SGCD: variants seen among roughly 807,000 people sequenced by gnomAD.
SGCD encodes delta-sarcoglycan.
Under a neutral mutation model 36.6 loss-of-function variants are expected in SGCD, and 18 were observed. The observed-to-expected ratio is 0.49, with a 90% CI of 0.34 to 0.73. The LOEUF (loss-of-function observed/expected upper bound fraction) is 0.73, where lower values mean the gene tolerates loss of function less well. SGCD is among the 30% of genes least tolerant of loss of function. The probability of loss-of-function intolerance (pLI) is 0.01; values close to 1 mark genes in which losing one functional copy is unlikely to be tolerated. For synonymous variants in SGCD, 133 were observed against 130.6 expected (o/e 1.02, Z -0.12); for missense variants, 387 against 346.7 (o/e 1.12, Z -0.92).
chr5:156,088,586 A>G (rs1465570859), intron 1 of SGCD, among the ~76,000 whole-genome samples: 1 of 151,978 alleles, frequency 6.6e-6, no homozygotes, highest in Non-Finnish European at 1.5e-5. Flanking sequence ...TCCAGCTTCG[A>G]CCACCTGGAC....
chr5:156,269,785 A>G (rs1376107880), intron 3 of SGCD, among the ~76,000 whole-genome samples: 1 of 152,192 alleles, frequency 6.6e-6, no homozygotes, highest in Non-Finnish European at 1.5e-5. Context: ...TCAGATGCAT[A>G]GTTTGCAAAA....
At chr5:156,460,413 A>T (rs1007594908) in intron 3 of SGCD, among the ~76,000 whole-genome samples, 2 of 152,202 alleles carry the variant, frequency 1.3e-5, no homozygotes, top group African/African-American at 4.8e-5. Flanking sequence ...GAGTTCAAAG[A>T]TGGGAAAGAT....
chr5:156,187,485 G>A (rs141861906), intron 3 of SGCD, among the ~76,000 whole-genome samples: 268 of 141,436 alleles, frequency 1.9e-3, no homozygotes, highest in African/African-American at 6.7e-3. Context: ...GCCCTCTAGA[G>A]GCTTCTGGAT....
At chr5:156,558,096 T>TAC (rs1441971005) in intron 4 of SGCD, among the ~76,000 whole-genome samples, 2 of 99,146 alleles carry the variant, frequency 2.0e-5, no homozygotes, top group Non-Finnish European at 4.4e-5. Flanking sequence ...CAAATATATA[T>TAC]ATATATATAT....
At chr5:155,890,645 TA>T (rs1302754995) in intron 1 of SGCD, among the ~76,000 whole-genome samples, 49 of 142,830 alleles carry the variant, frequency 3.4e-4, no homozygotes, top group East Asian at 2.6e-3. Context: ...AGATGATAGA[TA>T]GATAGATAGA....
chr5:156,358,472 T>C (rs1224018378), intron 3 of SGCD, among the ~76,000 whole-genome samples: 1 of 152,242 alleles, frequency 6.6e-6, no homozygotes, highest in Non-Finnish European at 1.5e-5. Context: ...ACTATAATTA[T>C]GATATATTGA....
chr5:156,300,210 T>C (rs1767016648), intron 3 of SGCD, among the ~76,000 whole-genome samples: 1 of 152,094 alleles, frequency 6.6e-6, no homozygotes, highest in African/African-American at 2.4e-5. Flanking sequence ...CATTAGATTA[T>C]GTAAGTGTTT....
chr5:155,907,094 G>T (rs1279615589), intron 1 of SGCD, among the ~76,000 whole-genome samples: 1 of 152,066 alleles, frequency 6.6e-6, no homozygotes, highest in Admixed American at 6.6e-5. Context: ...CCTTGAAAAT[G>T]ATGCAAAATC....
At chr5:155,880,581 A>G (rs189473719) in intron 1 of SGCD, among the ~76,000 whole-genome samples, 1 of 152,308 alleles carries the variant, frequency 6.6e-6, no homozygotes, top group Non-Finnish European at 1.5e-5. Flanking sequence ...ACACATATGT[A>G]CAAACAAACA....
At chr5:156,289,076 T>G (rs1308327792) in intron 3 of SGCD, among the ~76,000 whole-genome samples, 1 of 152,092 alleles carries the variant, frequency 6.6e-6, no homozygotes, top group East Asian at 1.9e-4. Context: ...TTCCTAAATG[T>G]GTTCTACAGA....
chr5:156,172,933 A>G (rs970197284), intron 3 of SGCD, among the ~76,000 whole-genome samples: 3 of 152,252 alleles, frequency 2.0e-5, no homozygotes, highest in African/African-American at 7.2e-5. Context: ...GAAAGTATTT[A>G]CACATCAGAG....
intron 1 of SGCD, among the ~76,000 whole-genome samples, chr5:155,907,226 T>C (rs1756536410): frequency 6.6e-6 from 1 of 151,690 alleles, no homozygotes; most frequent in Non-Finnish European, 1.5e-5. Flanking sequence ...AAAAAAGAGA[T>C]TATTAAAAAA....
At chr5:155,900,610 T>C (rs1398880673) in intron 1 of SGCD, among the ~76,000 whole-genome samples, 2 of 130,158 alleles carry the variant, frequency 1.5e-5, no homozygotes, top group Non-Finnish European at 3.2e-5. Context: ...GAGTGTGATA[T>C]TCCCCTTCCT....
At chr5:155,996,780 A>C (rs1758554308) in intron 1 of SGCD, among the ~76,000 whole-genome samples, 2 of 146,500 alleles carry the variant, frequency 1.4e-5, no homozygotes, top group African/African-American at 4.9e-5. Flanking sequence ...CTCTGTTTCA[A>C]AAAAAAAAAA....
intron 7 of SGCD, among the ~76,000 whole-genome samples, chr5:156,705,400 A>T (rs537260029): frequency 3.3e-5 from 5 of 152,252 alleles, no homozygotes; most frequent in South Asian, 2.1e-4. Flanking sequence ...TGGCACATGC[A>T]ACTTCTAACC....
chr5:156,612,399 T>C (rs1581255301), intron 6 of SGCD, among the ~76,000 whole-genome samples: 2 of 152,222 alleles, frequency 1.3e-5, no homozygotes, highest in South Asian at 4.1e-4. Flanking sequence ...GTGATGGCAG[T>C]AGTGAAGTTT....
chr5:155,767,969 T>C, the SGCD span, among the ~76,000 whole-genome samples: 1 of 152,170 alleles, frequency 6.6e-6, no homozygotes, highest in Non-Finnish European at 1.5e-5. Flanking sequence ...GTATTATATA[T>C]AGAATTGTAT....
intron 1 of SGCD, among the ~76,000 whole-genome samples, chr5:155,897,876 A>G (rs758266630): frequency 5.9e-5 from 9 of 152,206 alleles, no homozygotes; most frequent in Non-Finnish European, 1.0e-4. Context: ...ATTGTACTCA[A>G]ACTGACTTGT....
At chr5:156,090,563 A>C (rs1403249116) in intron 1 of SGCD, among the ~76,000 whole-genome samples, 1 of 152,188 alleles carries the variant, frequency 6.6e-6, no homozygotes, top group Admixed American at 6.5e-5. Context: ...AATTACTGAT[A>C]AAGGTCCATG....
Sources: gnomAD v4.1 joint callset for allele counts (sites outside exome capture counted in the v4.1 genomes callset) on GRCh38, gnomAD v4.1.1 for gene constraint, MANE v1.5 for transcripts, NCBI Gene and HGNC (gene_info 2026-07-23, HGNC 2026-07-21) for gene names.